Variants in B3GALT1 observed in about 807,000 individuals in gnomAD.
The protein encoded by B3GALT1 is UDP-Gal:betaGlcNAc beta 1,3-galactosyltransferase, polypeptide 1.
B3GALT1 carries 10 observed loss-of-function variants against 23.2 expected under a neutral mutation model. That is an observed-to-expected ratio of 0.43 (90% CI 0.27 to 0.73). The LOEUF (loss-of-function observed/expected upper bound fraction) is 0.73, where lower values mean the gene tolerates loss of function less well. B3GALT1 is among the 30% of genes least tolerant of loss of function. The probability of loss-of-function intolerance (pLI) is 0.21; values close to 1 mark genes in which losing one functional copy is unlikely to be tolerated. For missense variants in B3GALT1, 299 were observed against 405.4 expected, an observed-to-expected ratio of 0.74 and a Z score of 2.25; for synonymous variants, 156 against 141.5, an observed-to-expected ratio of 1.10 and a Z score of -0.73.
intron 3 of B3GALT1, among the ~76,000 whole-genome samples, chr2:167,808,552 T>C (rs2105349193): frequency 6.6e-6 from 1 of 152,058 alleles, no homozygotes; most frequent in African/African-American, 2.4e-5. Flanking sequence ...AAGCTTAATT[T>C]GTCTGGATAT....
intron 4 of B3GALT1, among the ~76,000 whole-genome samples, chr2:167,865,816 A>G (rs1690204198): frequency 6.6e-6 from 1 of 151,940 alleles, no homozygotes; most frequent in South Asian, 2.1e-4. Flanking sequence ...AATAAAAAAT[A>G]AAATAAATAA....
At chr2:167,673,209 C>T (rs59867522) in intron 3 of B3GALT1, among the ~76,000 whole-genome samples, 14,285 of 151,952 alleles carry the variant, frequency 0.094, 1,621 homozygotes, top group African/African-American at 0.25. Flanking sequence ...AAGGTGATGA[C>T]ATGAAGTATG....
intron 2 of B3GALT1, among the ~76,000 whole-genome samples, chr2:167,542,117 C>A (rs2105374432): frequency 6.6e-6 from 1 of 151,346 alleles, no homozygotes; most frequent in East Asian, 1.9e-4. Context: ...TTATTGAATC[C>A]CATCACATAT....
At chr2:167,304,941 A>G (rs1696526471) in intron 1 of B3GALT1, among the ~76,000 whole-genome samples, 1 of 152,134 alleles carries the variant, frequency 6.6e-6, no homozygotes, top group Non-Finnish European at 1.5e-5. Flanking sequence ...TAGCTGTCCC[A>G]CCTCAAGCTG....
intron 4 of B3GALT1, among the ~76,000 whole-genome samples, chr2:167,844,766 C>T (rs1018450990): frequency 6.6e-6 from 1 of 152,222 alleles, no homozygotes; most frequent in Admixed American, 6.5e-5. Context: ...CAGGGGAGGG[C>T]GCAAATCCAG....
intron 2 of B3GALT1, among the ~76,000 whole-genome samples, chr2:167,589,640 T>G (rs1684641320): frequency 6.6e-6 from 1 of 152,134 alleles, no homozygotes; most frequent in Non-Finnish European, 1.5e-5. Flanking sequence ...GAACTTTTAT[T>G]TATTTTCATT....
chr2:167,566,582 G>C (rs529432778), intron 2 of B3GALT1, among the ~76,000 whole-genome samples: 1 of 151,800 alleles, frequency 6.6e-6, no homozygotes, highest in Non-Finnish European at 1.5e-5. Flanking sequence ...AAAGAATAAC[G>C]TAGTCCAGCC....
chr2:167,687,201 G>A (rs1686630920), intron 3 of B3GALT1, among the ~76,000 whole-genome samples: 1 of 152,146 alleles, frequency 6.6e-6, no homozygotes, highest in South Asian at 2.1e-4. Flanking sequence ...AAAGAATTAT[G>A]GAAAATAGAT....
rs569664458 is a variant in B3GALT1, at chr2:167,867,143, G to A, written c.-229-1668G>A. On this transcript the variant is annotated intron_variant, in intron 4 of 4. Transcript: ENST00000392690. ...GGGTTTCACCGTTTTAGCCAGGATG[G>A]TCTCGATCTCCTGACCTCGTGATCC... Among the ~76,000 whole-genome samples, 472 of 152,206 alleles carry A rather than the reference G, an allele frequency of 3.1e-3. 1 individual carries two copies. Among genetic ancestry groups the A allele is most frequent in the Non-Finnish European group, 4.9e-3 (332 of 68,006 alleles).
intron 1 of B3GALT1, among the ~76,000 whole-genome samples, chr2:167,437,872 C>T (rs1234416470): frequency 6.6e-6 from 1 of 152,168 alleles, no homozygotes; most frequent in Non-Finnish European, 1.5e-5. Flanking sequence ...ATATTCACAT[C>T]TTCTCTGCTG....
chr2:167,446,700 T>C (rs1471881096), intron 1 of B3GALT1, among the ~76,000 whole-genome samples: 1 of 152,150 alleles, frequency 6.6e-6, no homozygotes, highest in Non-Finnish European at 1.5e-5. Context: ...CGTTCCATGG[T>C]TTTCAGGTCC....
chr2:167,587,126 A>G (rs774840035), intron 2 of B3GALT1, among the ~76,000 whole-genome samples: 2 of 152,146 alleles, frequency 1.3e-5, no homozygotes, highest in Non-Finnish European at 2.9e-5. Flanking sequence ...TAACTGCTCA[A>G]TTATTATTTG....
chr2:167,769,978 G>A (rs993576408), intron 3 of B3GALT1, among the ~76,000 whole-genome samples: 5 of 152,164 alleles, frequency 3.3e-5, no homozygotes, highest in Admixed American at 6.5e-5. Context: ...CTGATTTCTA[G>A]GTGGCTATAC....
chr2:167,615,296 T>C (rs1354598939), intron 2 of B3GALT1, among the ~76,000 whole-genome samples: 1 of 152,006 alleles, frequency 6.6e-6, no homozygotes, highest in East Asian at 1.9e-4. Context: ...AGACAAATAC[T>C]GTGTGATCTC....
At chr2:167,325,365 G>A (rs2105495951) in intron 1 of B3GALT1, among the ~76,000 whole-genome samples, 1 of 152,130 alleles carries the variant, frequency 6.6e-6, no homozygotes, top group East Asian at 1.9e-4. Context: ...GCCTCAGGGA[G>A]CTTTTACTTG....
At chr2:167,563,884 G>A (rs1330108416) in intron 2 of B3GALT1, among the ~76,000 whole-genome samples, 3 of 52,826 alleles carry the variant, frequency 5.7e-5, no homozygotes, top group East Asian at 1.5e-3. Flanking sequence ...TCTGCCGGAC[G>A]GGGCGGCCGG....
chr2:167,607,665 G>A (rs575164923), intron 2 of B3GALT1, among the ~76,000 whole-genome samples: 2 of 152,296 alleles, frequency 1.3e-5, no homozygotes, highest in East Asian at 3.9e-4. Context: ...ATACTACAAT[G>A]CATTAGTGCT....
intron 1 of B3GALT1, among the ~76,000 whole-genome samples, chr2:167,401,859 A>C (rs537665584): frequency 6.6e-6 from 1 of 152,326 alleles, no homozygotes. Flanking sequence ...ATTGAGGACA[A>C]GTTTGAATTG....
At position 167,370,770 on chromosome 2, in the gene B3GALT1, C is replaced by CA. The variant is rs1697671143; in HGVS notation, c.-511+77442dup. Among the ~76,000 whole-genome samples the CA allele has an allele frequency of 1.3e-5, 2 of 151,968 alleles. 1 individual carries two copies. The highest frequency in any genetic ancestry group is 4.8e-5 in the African/African-American group (2 of 41,380). On this transcript the variant is annotated intron_variant, in intron 1 of 4. Coordinates refer to ENST00000392690, the MANE Select transcript of B3GALT1 (RefSeq NM_020981.4). Reference sequence around the variant, plus strand: ...TGAAATCTCGTCTCTACTAAAAATACAAAAAATTAGCCGGGCATGGTGGCG... The same window carrying CA: ...TGAAATCTCGTCTCTACTAAAAATACAAAAAAATTAGCCGGGCATGGTGGCG...
Sources: gnomAD v4.1 joint callset for allele counts (sites outside exome capture counted in the v4.1 genomes callset) on GRCh38, gnomAD v4.1.1 for gene constraint, MANE v1.5 for transcripts, NCBI Gene and HGNC (gene_info 2026-07-23, HGNC 2026-07-21) for gene names.